Variants in GRID1 observed in about 807,000 individuals in gnomAD.
GRID1 encodes the protein glutamate receptor ionotropic, delta-1.
In GRID1, 28 loss-of-function variants were observed where a neutral mutation model predicts 98.0. That is an observed-to-expected ratio of 0.29 (90% confidence interval 0.21 to 0.39). GRID1 has a LOEUF of 0.39. GRID1 is among the 10% of genes least tolerant of loss of function. The pLI is 1.00. For missense variants in GRID1, 1,111 were observed against 1,340.5 expected (o/e 0.83, Z 2.67); for synonymous variants, 553 against 538.5 (o/e 1.03, Z -0.37).
intron 4 of GRID1, among the ~76,000 whole-genome samples, chr10:86,099,837 G>C (rs1287700907): frequency 2.6e-5 from 4 of 152,166 alleles, no homozygotes; most frequent in Non-Finnish European, 4.4e-5. Context: ...CTGGTGGCTG[G>C]GGGTGGCACA....
chr10:85,764,104 G>T (rs770558523), intron 8 of GRID1, among the ~76,000 whole-genome samples: 1 of 152,208 alleles, frequency 6.6e-6, no homozygotes, highest in Non-Finnish European at 1.5e-5. Context: ...GGAACAGGAT[G>T]ATGAGCCCCT....
intron 4 of GRID1, among the ~76,000 whole-genome samples, chr10:86,097,653 GA>G (rs145175161): frequency 0.057 from 8,529 of 149,540 alleles, 565 homozygotes; most frequent in African/African-American, 0.15. Context: ...ATAGCTAAAT[GA>G]AAAAAAAATG....
In GRID1 at chr10:85,724,359, T is replaced by G. The variant is rs1020919291; in HGVS notation, c.1851A>C (p.Val617=). 6.2e-7 allele frequency: 1 copy of G among 1,612,474 alleles called. No homozygotes were observed. The highest frequency in any genetic ancestry group is 1.1e-5 in the South Asian group (1 of 91,056). ...AGGAAACCAGAAAGGTACCTTGCTG[T>G]ACGAAGGCTCCATAGACAATCCAGA... The part of the protein sequence containing the change: ...SAIWIVYGAF[V]QQGGESSVNS... Residue 617 remains valine (V), a synonymous_variant, in exon 11 of 16, where the codon GTA becomes GTC. Coordinates refer to ENST00000327946, the MANE Select transcript of GRID1 (RefSeq NM_017551.3).
At chr10:86,134,257 C>A (rs745517374) in intron 4 of GRID1, among the ~76,000 whole-genome samples, 7 of 152,226 alleles carry the variant, frequency 4.6e-5, no homozygotes, top group Non-Finnish European at 1.0e-4. Flanking sequence ...GAATTCCATG[C>A]CCCTCAGCAT....
intron 2 of GRID1, among the ~76,000 whole-genome samples, chr10:86,288,928 C>T (rs978725252): frequency 6.6e-6 from 1 of 152,228 alleles, no homozygotes; most frequent in African/African-American, 2.4e-5. Flanking sequence ...TTAGTGGCCT[C>T]CTGCTCAGCA....
intron 12 of GRID1, among the ~76,000 whole-genome samples, chr10:85,709,374 T>G (rs2132634013): frequency 6.6e-6 from 1 of 152,378 alleles, no homozygotes; most frequent in South Asian, 2.1e-4. Context: ...TAAAAATATT[T>G]GATTCAGACA....
At chr10:85,727,590 G>C (rs1841775225) in intron 10 of GRID1, among the ~76,000 whole-genome samples, 2 of 152,176 alleles carry the variant, frequency 1.3e-5, no homozygotes, top group South Asian at 4.1e-4. Flanking sequence ...GTGTGCTACA[G>C]AGTAGGCACA....
At chr10:85,981,368 G>A (rs1413633342) in intron 4 of GRID1, among the ~76,000 whole-genome samples, 1 of 152,218 alleles carries the variant, frequency 6.6e-6, no homozygotes, top group East Asian at 1.9e-4. Flanking sequence ...CCAGGGAAAA[G>A]CCTTCGCAGA....
rs1841220006 is a variant in GRID1, at chr10:85,892,628, G to C, written c.781-23448C>G. Among the ~76,000 whole-genome samples the C allele has an allele frequency of 1.3e-5, 2 of 150,644 alleles. 1 individual carries two copies. Among genetic ancestry groups the C allele is most frequent in the Admixed American group, 1.3e-4 (2 of 15,152 alleles). ...AAAGACGTTTTTAGAAAAATAAAAG[G>C]TAAAAAAAAAAATCTTCAGGAAAAA... On this transcript the variant is annotated intron_variant, in intron 5 of 15. Coordinates refer to ENST00000327946, the MANE Select transcript of GRID1 (RefSeq NM_017551.3).
At chr10:86,305,821 AC>A (rs67486438) in intron 2 of GRID1, among the ~76,000 whole-genome samples, 15,862 of 152,174 alleles carry the variant, frequency 0.1, 974 homozygotes, top group Middle Eastern at 0.16. Context: ...CACTTTCTAT[AC>A]TTTGTCTACA....
chr10:85,771,554 C>T (rs984705399), intron 8 of GRID1, among the ~76,000 whole-genome samples: 3 of 152,248 alleles, frequency 2.0e-5, no homozygotes, highest in African/African-American at 7.2e-5. Flanking sequence ...CAAGACCCAT[C>T]AGTGTGCTGT....
At chr10:86,057,630 G>A (rs978939577) in intron 4 of GRID1, among the ~76,000 whole-genome samples, 25 of 152,042 alleles carry the variant, frequency 1.6e-4, no homozygotes, top group African/African-American at 6.0e-4. Context: ...AGCACAGAGG[G>A]ATCAGTTTTC....
chr10:85,727,178 G>C (rs1404526199), intron 10 of GRID1, among the ~76,000 whole-genome samples: 2 of 152,276 alleles, frequency 1.3e-5, no homozygotes, highest in East Asian at 3.9e-4. Context: ...TCAAAGTATT[G>C]GGAGTCCAGG....
At chr10:85,776,361 C>T (rs942584714) in intron 8 of GRID1, among the ~76,000 whole-genome samples, 5 of 152,136 alleles carry the variant, frequency 3.3e-5, no homozygotes, top group African/African-American at 1.2e-4. Context: ...CAACAAAGAA[C>T]GTAGAGCAGA....
intron 3 of GRID1, among the ~76,000 whole-genome samples, chr10:86,198,464 G>A (rs971681871): frequency 6.6e-6 from 1 of 152,124 alleles, no homozygotes; most frequent in Non-Finnish European, 1.5e-5. Flanking sequence ...ACAGCAATGG[G>A]ACCACTGCTG....
chr10:86,325,966 G>C (rs1308098377), intron 2 of GRID1, among the ~76,000 whole-genome samples: 5 of 152,162 alleles, frequency 3.3e-5, no homozygotes, highest in African/African-American at 4.8e-5. Context: ...AGCAAATATA[G>C]GTATCTACCT....
chr10:85,776,000 T>C (rs1564587218), intron 8 of GRID1, among the ~76,000 whole-genome samples: 4 of 151,962 alleles, frequency 2.6e-5, no homozygotes, highest in African/African-American at 7.3e-5. Context: ...TTTAAATATA[T>C]GTAACTGAGA....
intron 8 of GRID1, among the ~76,000 whole-genome samples, chr10:85,741,896 T>C (rs1169521600): frequency 3.9e-5 from 6 of 152,142 alleles, no homozygotes; most frequent in Non-Finnish European, 5.9e-5. Flanking sequence ...ACTTTGTGTA[T>C]ATCCTTCACG....
chr10:85,670,951 A>C (rs1272013294), intron 12 of GRID1, among the ~76,000 whole-genome samples: 1 of 152,174 alleles, frequency 6.6e-6, no homozygotes, highest in Non-Finnish European at 1.5e-5. Context: ...GCCAAAACAG[A>C]AATCTCCTGC....
Sources: allele counts gnomAD v4.1 joint callset (sites outside exome capture counted in the v4.1 genomes callset), GRCh38; gene constraint gnomAD v4.1.1; transcripts MANE v1.5; gene names NCBI Gene and HGNC (gene_info 2026-07-23, HGNC 2026-07-21).